CAMSAP3: variants seen among roughly 807,000 people sequenced by gnomAD.
CAMSAP3 encodes the protein calmodulin-regulated spectrin-associated protein 3.
Under a neutral mutation model 112.5 loss-of-function variants are expected in CAMSAP3, and 34 were observed. That is an observed-to-expected ratio of 0.30 (90% CI 0.23 to 0.40). The LOEUF is 0.40. Among genes scored for constraint, CAMSAP3 ranks in the 10% least tolerant of loss-of-function variants. The pLI, the probability that CAMSAP3 is intolerant of heterozygous loss-of-function variation, is 1.00. For missense variants in CAMSAP3, 1,602 were observed against 1,770.3 expected, an observed-to-expected ratio of 0.90 and a Z score of 1.71; for synonymous variants, 868 against 799.8, an observed-to-expected ratio of 1.09 and a Z score of -1.44.
Position 7,605,234 on chromosome 19 carries a change from C to T in CAMSAP3, c.157C>T (p.Pro53Ser). ...CCTCTATGCCCCCACAGAGCACGTG[C>T]CCCCGGAGCTGTGGGAGCCCTTCTA... is the stretch of plus-strand genomic sequence containing the variant. ...RAAFGGAEHV[P>S]PELWEPFYTD... The change falls in exon 2 of 17, where the codon CCC becomes TCC. Residue 53 changes from proline to serine, a missense_variant. By Grantham distance (74) the Pro-to-Ser change is moderately conservative. Transcript: ENST00000160298. 3 of 1,543,136 alleles carry T rather than the reference C, an allele frequency of 1.9e-6. No homozygotes were observed. The highest frequency in any genetic ancestry group is 1.2e-5 in the South Asian group (1 of 82,102).
At chr19:7,616,945 T>TTTTGTTG (rs1555763661) in intron 14 of CAMSAP3, among the ~76,000 whole-genome samples, 1 of 131,586 alleles carries the variant, frequency 7.6e-6, no homozygotes, top group African/African-American at 2.8e-5. Flanking sequence ...TTTTTTTTTT[T>TTTTGTTG]TTTTTTTTTT....
In CAMSAP3 at chr19:7,613,133, G is replaced by T; in HGVS notation, c.2640G>T (p.Glu880Asp). 6.5e-7 allele frequency: 1 copy of T among 1,537,838 alleles called. No individual in the cohort carries two copies. Among genetic ancestry groups the T allele is most frequent in the African/African-American group, 1.4e-5 (1 of 71,108 alleles). The change falls in exon 11 of 17, where the codon GAG becomes GAT. Residue 880 changes from glutamate to aspartate, a missense_variant. Coordinates refer to ENST00000160298, the MANE Select transcript of CAMSAP3 (RefSeq NM_020902.2). ...SLEEEASSEG[E>D]PRVGLGFFYK... Reference sequence around the variant, plus strand: ...AGGAGGAGGCGTCTTCGGAGGGGGAGCCCCGGGTGGGGCTGGGGTTCTTCT... The same window carrying T: ...AGGAGGAGGCGTCTTCGGAGGGGGATCCCCGGGTGGGGCTGGGGTTCTTCT...
chr19:7,614,036 C>T (rs2030645422), intron 11 of CAMSAP3, among the ~76,000 whole-genome samples: 2 of 151,894 alleles, frequency 1.3e-5, no homozygotes, highest in African/African-American at 4.8e-5. Context: ...CCAAGGCAGG[C>T]GGATCATGAG....
chr19:7,606,868 G>A, intron 4 of CAMSAP3: 1 of 1,585,812 alleles, frequency 6.3e-7, no homozygotes, highest in Non-Finnish European at 8.7e-7. Context: ...CTGTCTGTCT[G>A]TATGTCTGTT....
At position 7,598,617 on chromosome 19, in the gene CAMSAP3, G is replaced by A. The variant is rs941853469; in HGVS notation, c.148+2467G>A. On this transcript the variant is annotated intron_variant, in intron 1 of 16. Transcript: ENST00000160298. ...AGCCTGGCCAACACGATGAATCCCC[G>A]TCTCTACTAAAAATCCAAAAATTAG... 9.9e-5 allele frequency among the ~76,000 whole-genome samples: 15 copies of A among 152,178 alleles called. No homozygotes were observed. The South Asian group carries it at 1.5e-3, about 15-fold the overall frequency.
chr19:7,597,908 C>T (rs926617775), intron 1 of CAMSAP3, among the ~76,000 whole-genome samples: 1 of 152,172 alleles, frequency 6.6e-6, no homozygotes, highest in Non-Finnish European at 1.5e-5. Flanking sequence ...GTGTGACACA[C>T]GGCAGTGGCT....
rs1334994060 is a variant in CAMSAP3, at chr19:7,610,048, G to A, written c.761-428G>A. Among the ~76,000 whole-genome samples, 2 of 152,186 alleles carry A rather than the reference G, an allele frequency of 1.3e-5. No individual in the cohort carries two copies. The highest frequency in any genetic ancestry group is 3.9e-4 in the East Asian group (2 of 5,188). The stretch of plus-strand genomic sequence containing the variant: ...ATATAATTCACCTCGGCCGGGTACA[G>A]TGGCTCACGCCTGTAATCCCAGCAC... On this transcript the variant is annotated intron_variant, in intron 5 of 16. Coordinates refer to ENST00000160298, the MANE Select transcript of CAMSAP3 (RefSeq NM_020902.2). The surrounding 1 kb of genome is among the most constrained non-coding windows in gnomAD (Gnocchi z 4.9).
In CAMSAP3 at chr19:7,610,056, C is replaced by T. The variant is rs369683587; in HGVS notation, c.761-420C>T. On this transcript the variant is annotated intron_variant, in intron 5 of 16. Coordinates refer to ENST00000160298, the MANE Select transcript of CAMSAP3 (RefSeq NM_020902.2). The surrounding 1 kb of genome is among the most constrained non-coding windows in gnomAD (Gnocchi z 4.9). ...CACCTCGGCCGGGTACAGTGGCTCA[C>T]GCCTGTAATCCCAGCACTTTGGGTG... Among the ~76,000 whole-genome samples, 78 of 152,250 alleles carry T rather than the reference C, an allele frequency of 5.1e-4. No individual in the cohort carries two copies. In the East Asian group the frequency reaches 8.1e-3, roughly 16 times the overall value.
At chr19:7,598,992 T>G (rs529145300) in intron 1 of CAMSAP3, among the ~76,000 whole-genome samples, 53 of 152,066 alleles carry the variant, frequency 3.5e-4, no homozygotes, top group African/African-American at 1.1e-3. Context: ...ATTAAATGAC[T>G]GGATGCAGGG....
Position 7,611,430 on chromosome 19 carries a change from G to T in CAMSAP3, c.1124-87G>T. The T allele has an allele frequency of 7.7e-7, 1 of 1,296,152 alleles. No individual in the cohort carries two copies. The highest frequency in any genetic ancestry group is 1.4e-5 in the South Asian group (1 of 70,566). 80.3% of individuals were successfully genotyped at this position (1,296,152 alleles called of 1,614,324 possible). On this transcript the variant is annotated intron_variant, in intron 9 of 16. Transcript: ENST00000160298. The surrounding 1 kb of genome is among the most constrained non-coding windows in gnomAD (Gnocchi z 6.9). ...ATGAGCCATCAGTGACTCACCCAAT[G>T]ACCTTGCAGAGGTTGTCCCCAGATG...
chr19:7,603,403 TG>T (rs1160002193), intron 1 of CAMSAP3, among the ~76,000 whole-genome samples: 3 of 151,918 alleles, frequency 2.0e-5, no homozygotes, highest in Non-Finnish European at 4.4e-5. Flanking sequence ...TTAGTAGAGA[TG>T]GGGTTTCACC....
chr19:7,603,209 TC>T (rs200058411), intron 1 of CAMSAP3, among the ~76,000 whole-genome samples: 6 of 151,070 alleles, frequency 4.0e-5, no homozygotes, highest in African/African-American at 7.3e-5. Context: ...TCTTTTTTTT[TC>T]TTTCTTTCTT....
Position 7,617,500 on chromosome 19 carries a change from A to C in CAMSAP3, c.3326-43A>C. 1 of 1,608,630 alleles carries C rather than the reference A, an allele frequency of 6.2e-7. No individual in the cohort carries two copies. Among genetic ancestry groups the C allele is most frequent in the Non-Finnish European group, 8.5e-7 (1 of 1,175,112 alleles). On this transcript the variant is annotated intron_variant, in intron 15 of 16. Transcript: ENST00000160298. This position sits in a 1 kb window ranked among gnomAD's most constrained non-coding sequence, Gnocchi z 7.5. ...GCACCCTCCTCCACAGCCCCTGCTC[A>C]TTCCTGCTGCCCCCCACCCCCTCCC...
Position 7,612,760 on chromosome 19 carries a change from C to G in CAMSAP3, c.2267C>G (p.Ser756Cys). ...CCCACGACGGGGCCCAAAGCTGCAT[C>G]CCCCAGCCCCGCCCGGCGAGTCCCG... is the stretch of plus-strand genomic sequence containing the variant. ...PGPTTGPKAA[S>C]PSPARRVPAT... The change falls in exon 11 of 17, where the codon TCC (serine) becomes TGC (cysteine). Residue 756 changes from serine to cysteine, a missense_variant. Ser to Cys is a moderately radical substitution (Grantham distance 112). Around this residue, in one of 6 missense-constraint regions of CAMSAP3, gnomAD observed 1,100 missense variants for 1,135.7 expected, o/e 0.97. Coordinates refer to ENST00000160298, the MANE Select transcript of CAMSAP3 (RefSeq NM_020902.2). 1 of 1,530,162 alleles carries G rather than the reference C, an allele frequency of 6.5e-7. No individual in the cohort carries two copies. The highest frequency in any genetic ancestry group is 1.2e-5 in the South Asian group (1 of 83,670). 94.8% of individuals were successfully genotyped at this position (1,530,162 alleles called of 1,614,324 possible).
intron 11 of CAMSAP3, among the ~76,000 whole-genome samples, chr19:7,613,409 G>C (rs1432824507): frequency 1.3e-5 from 2 of 151,002 alleles, no homozygotes; most frequent in African/African-American, 4.9e-5. Flanking sequence ...TATGTGGGGT[G>C]ACAGGGGCCT....
rs769934188 is a variant in CAMSAP3 at position 7,611,931 on chromosome 19, G to C, written c.1438G>C (p.Asp480His). ...EPRLLPDGAADGSFYLHSPEG... is the reference protein window; with the variant it reads ...EPRLLPDGAAHGSFYLHSPEG... ...CCGGCTCCTCCCAGATGGGGCGGCC[G>C]ACGGCAGCTTCTACCTCCACTCCCC... Residue 480 changes from aspartate to histidine, a missense_variant, in exon 11 of 17, where the codon GAC becomes CAC. Around this residue, in one of 6 missense-constraint regions of CAMSAP3, gnomAD observed 1,100 missense variants for 1,135.7 expected, o/e 0.97. Coordinates refer to ENST00000160298, the MANE Select transcript of CAMSAP3 (RefSeq NM_020902.2). This position sits in a 1 kb window ranked among gnomAD's most constrained non-coding sequence, Gnocchi z 6.9. 1 of 1,594,322 alleles carries C rather than the reference G, an allele frequency of 6.3e-7. No homozygotes were observed. Among genetic ancestry groups the C allele is most frequent in the Admixed American group, 1.7e-5 (1 of 58,220 alleles).
Position 7,605,380 on chromosome 19 carries a change from C to G in CAMSAP3, c.303C>G (p.Pro101=). The G allele has an allele frequency of 6.4e-7, 1 of 1,568,480 alleles. No individual in the cohort carries two copies. The highest frequency in any genetic ancestry group is 8.7e-7 in the Non-Finnish European group (1 of 1,152,502). Residue 101 remains proline, a synonymous_variant, in exon 2 of 17, where the codon CCC becomes CCG. Transcript: ENST00000160298. The part of the protein sequence containing the change: ...ALPQLETPPN[P]SALLALLARR... ...CACAGCTTGAAACACCCCCCAACCC[C>G]TCTGCACTGCTGGCCCTGCTGGCGC...
chr19:7,605,299 G>A lies in CAMSAP3; in HGVS notation c.222G>A (p.Val74=), dbSNP rs1254402205. 1.2e-6 allele frequency: 2 copies of A among 1,611,452 alleles called. No homozygotes were observed. Among genetic ancestry groups the A allele is most frequent in the Admixed American group, 1.7e-5 (1 of 59,738 alleles). The change falls in exon 2 of 17, where the codon GTG becomes GTA. Residue 74 remains valine, a synonymous_variant. Coordinates refer to ENST00000160298, the MANE Select transcript of CAMSAP3 (RefSeq NM_020902.2). ...CGCAGGAGCATGTGAAGCCCCCGGT[G>A]ACACGGCTGCTGCTCTCAGCCGAGC... ...QYAQEHVKPP[V]TRLLLSAELY...
chr19:7,610,952 G>C lies in CAMSAP3; in HGVS notation c.1049+21G>C. ...AGTAGGTACGCTCCCCACACTGGGC[G>C]AGTCTCTGGCATTGTGGGTGTGGGG... On this transcript the variant is annotated intron_variant, in intron 8 of 16. Coordinates refer to ENST00000160298, the MANE Select transcript of CAMSAP3 (RefSeq NM_020902.2). The surrounding 1 kb of genome is among the most constrained non-coding windows in gnomAD (Gnocchi z 4.9). The C allele has an allele frequency of 6.3e-7, 1 of 1,578,834 alleles. No homozygotes were observed. The highest frequency in any genetic ancestry group is 8.6e-7 in the Non-Finnish European group (1 of 1,160,114).
Sources: gnomAD v4.1 joint callset for allele counts (sites outside exome capture counted in the v4.1 genomes callset) on GRCh38, gnomAD v4.1.1 for gene constraint, gnomAD v4.1.1 regional missense constraint, Gnocchi (gnomAD v3.1) non-coding constraint, MANE v1.5 for transcripts, NCBI Gene and HGNC (gene_info 2026-07-23, HGNC 2026-07-21) for gene names.